PLPPR1: variants seen among roughly 807,000 people sequenced by gnomAD.
The protein encoded by PLPPR1 is phospholipid phosphatase related 1.
PLPPR1 carries 10 observed loss-of-function variants against 33.1 expected under a neutral mutation model. The observed-to-expected ratio is 0.30, with a 90% confidence interval of 0.19 to 0.51. The LOEUF (loss-of-function observed/expected upper bound fraction) is 0.51. Ranked by LOEUF, PLPPR1 falls within the 20% of genes least tolerant of loss-of-function variation. The pLI is 0.97. For synonymous variants in PLPPR1, 151 were observed against 151.0 expected (o/e 1.00, Z 0.00); for missense variants, 304 against 408.1 (o/e 0.74, Z 2.20).
At chr9:101,213,985 A>G (rs1781685421) in intron 2 of PLPPR1, among the ~76,000 whole-genome samples, 2 of 152,320 alleles carry the variant, frequency 1.3e-5, no homozygotes, top group East Asian at 3.9e-4. Flanking sequence ...CAGTTTACAG[A>G]GAAGTGTTTG....
chr9:101,092,038 A>T (rs1173875086), intron 1 of PLPPR1, among the ~76,000 whole-genome samples: 3 of 152,040 alleles, frequency 2.0e-5, no homozygotes, highest in African/African-American at 4.8e-5. Flanking sequence ...GCTTCTCTTG[A>T]CACTCTCTCC....
chr9:101,290,657 TAA>T (rs1460592845), intron 4 of PLPPR1, among the ~76,000 whole-genome samples: 3 of 152,354 alleles, frequency 2.0e-5, no homozygotes, highest in African/African-American at 7.2e-5. Flanking sequence ...AATTATTTTT[TAA>T]GTTAGATATC....
intron 2 of PLPPR1, among the ~76,000 whole-genome samples, chr9:101,263,854 C>A (rs1827942049): frequency 6.6e-6 from 1 of 152,184 alleles, no homozygotes; most frequent in Non-Finnish European, 1.5e-5. Context: ...GTTCCTGGGA[C>A]ATGCACAATA....
At chr9:101,225,327 C>T (rs956501778) in intron 2 of PLPPR1, among the ~76,000 whole-genome samples, 1 of 152,094 alleles carries the variant, frequency 6.6e-6, no homozygotes, top group Non-Finnish European at 1.5e-5. Context: ...TCTTATGGCC[C>T]ATTTGTGGAG....
chr9:101,261,546 A>G (rs1360186408), intron 2 of PLPPR1, among the ~76,000 whole-genome samples: 1 of 152,136 alleles, frequency 6.6e-6, no homozygotes, highest in Non-Finnish European at 1.5e-5. Context: ...CTTCTTAACC[A>G]CACTTTAATT....
chr9:101,074,884 AC>A (rs530833081), intron 1 of PLPPR1, among the ~76,000 whole-genome samples: 63 of 152,202 alleles, frequency 4.1e-4, no homozygotes, highest in African/African-American at 1.5e-3. Flanking sequence ...CATTAAAACA[AC>A]CCCCAGCAGG....
intron 3 of PLPPR1, among the ~76,000 whole-genome samples, chr9:101,277,863 C>T (rs1828227112): frequency 6.6e-6 from 1 of 152,156 alleles, no homozygotes; most frequent in South Asian, 2.1e-4. Context: ...TATATATATG[C>T]TTTTACATTC....
intron 1 of PLPPR1, among the ~76,000 whole-genome samples, chr9:101,078,326 G>A (rs1830575479): frequency 6.6e-6 from 1 of 150,736 alleles, no homozygotes; most frequent in South Asian, 2.1e-4. Context: ...GTCCTGTTCA[G>A]AGTAGAATGC....
intron 1 of PLPPR1, among the ~76,000 whole-genome samples, chr9:101,086,021 C>T (rs968706662): frequency 6.6e-6 from 1 of 152,104 alleles, no homozygotes; most frequent in Non-Finnish European, 1.5e-5. Context: ...TGAGGAAGTT[C>T]CCTTCTATTC....
At chr9:101,116,510 T>C (rs1008845957) in intron 1 of PLPPR1, among the ~76,000 whole-genome samples, 1 of 152,194 alleles carries the variant, frequency 6.6e-6, no homozygotes, top group African/African-American at 2.4e-5. Context: ...TGTTGTACTC[T>C]TTGTGTAGAA....
At chr9:101,041,407 C>T (rs1830077138) in intron 1 of PLPPR1, among the ~76,000 whole-genome samples, 1 of 152,084 alleles carries the variant, frequency 6.6e-6, no homozygotes, top group African/African-American at 2.4e-5. Context: ...GCAAATGCGA[C>T]ACAGATTAAG....
At chr9:101,267,167 C>T (rs1828013411) in intron 2 of PLPPR1, among the ~76,000 whole-genome samples, 2 of 152,214 alleles carry the variant, frequency 1.3e-5, no homozygotes, top group South Asian at 4.1e-4. Flanking sequence ...GTTATTTCAT[C>T]TTCAAAACAT....
At chr9:101,040,999 A>T (rs1051393129) in intron 1 of PLPPR1, among the ~76,000 whole-genome samples, 1 of 152,200 alleles carries the variant, frequency 6.6e-6, no homozygotes, top group African/African-American at 2.4e-5. Context: ...GAGCAAGAGA[A>T]CATCTAAAAT....
chr9:101,072,106 ATTAG>A (rs1461440453), intron 1 of PLPPR1, among the ~76,000 whole-genome samples: 4 of 152,152 alleles, frequency 2.6e-5, no homozygotes, highest in Non-Finnish European at 5.9e-5. Flanking sequence ...TTAGTAGTGT[ATTAG>A]TTAGATAGCC....
At chr9:101,029,365 G>A (rs1380314458) in intron 1 of PLPPR1, among the ~76,000 whole-genome samples, 1 of 152,202 alleles carries the variant, frequency 6.6e-6, no homozygotes, top group Non-Finnish European at 1.5e-5. Context: ...CATGTCATCT[G>A]GGAAACGTGG....
intron 2 of PLPPR1, among the ~76,000 whole-genome samples, chr9:101,212,783 C>T (rs986122471): frequency 4.6e-5 from 7 of 152,102 alleles, no homozygotes; most frequent in South Asian, 2.1e-4. Context: ...ATATCTGTAA[C>T]GTGAGGATTG....
chr9:101,185,800 T>C (rs991361315), intron 2 of PLPPR1, among the ~76,000 whole-genome samples: 1 of 151,828 alleles, frequency 6.6e-6, no homozygotes, highest in African/African-American at 2.4e-5. Flanking sequence ...CCAAGAAATA[T>C]AATAAAATGA....
At chr9:101,279,380 G>T (rs891259568) in intron 3 of PLPPR1, among the ~76,000 whole-genome samples, 5 of 152,128 alleles carry the variant, frequency 3.3e-5, no homozygotes, top group African/African-American at 1.2e-4. Context: ...TGCAAAAATA[G>T]CTGGTGATTT....
chr9:101,076,433 G>A (rs936531601), intron 1 of PLPPR1, among the ~76,000 whole-genome samples: 1 of 152,142 alleles, frequency 6.6e-6, no homozygotes, highest in African/African-American at 2.4e-5. Flanking sequence ...GTGGCTCAGC[G>A]GGAAAGAACA....
Sources: allele counts gnomAD v4.1 joint callset (sites outside exome capture counted in the v4.1 genomes callset), GRCh38; gene constraint gnomAD v4.1.1; transcripts MANE v1.5; gene names NCBI Gene and HGNC (gene_info 2026-07-23, HGNC 2026-07-21).